The following CSMD1 variants were observed in gnomAD, a reference collection of about 807,000 sequenced individuals.
CSMD1 encodes the protein CUB and sushi domain-containing protein 1.
CSMD1 carries 213 observed loss-of-function variants against 417.5 expected under a neutral mutation model. That is an observed-to-expected ratio of 0.51 (90% confidence interval 0.46 to 0.57). The LOEUF is 0.57. Among genes scored for constraint, CSMD1 ranks in the 20% least tolerant of loss-of-function variants. The probability of loss-of-function intolerance (pLI) is 0.00; values close to 1 mark genes in which losing one functional copy is unlikely to be tolerated. For missense variants in CSMD1, 6,923 were observed against 4,529.7 expected (o/e 1.53, Z -15.17); for synonymous variants, 2,862 against 1,736.8 (o/e 1.65, Z -16.11).
At chr8:3,216,742 C>T (rs977870567) in intron 29 of CSMD1, among the ~76,000 whole-genome samples, 17 of 152,378 alleles carry the variant, frequency 1.1e-4, no homozygotes, top group African/African-American at 4.1e-4. Context: ...GTCCGTTCCA[C>T]TTATGCATAC....
chr8:3,824,467 A>G (rs1267393304), intron 5 of CSMD1, among the ~76,000 whole-genome samples: 5 of 152,120 alleles, frequency 3.3e-5, no homozygotes, highest in South Asian at 2.1e-4. Flanking sequence ...TCTGTCCCCT[A>G]AGTGCCGTAC....
At chr8:4,306,465 T>C (rs1374876644) in intron 3 of CSMD1, among the ~76,000 whole-genome samples, 1 of 152,232 alleles carries the variant, frequency 6.6e-6, no homozygotes, top group African/African-American at 2.4e-5. Flanking sequence ...CACCTCCATA[T>C]TGTGAATGCC....
At chr8:3,556,059 A>G (rs921190023) in intron 10 of CSMD1, among the ~76,000 whole-genome samples, 1 of 152,154 alleles carries the variant, frequency 6.6e-6, no homozygotes, top group Non-Finnish European at 1.5e-5. Flanking sequence ...TTCGCTCTAG[A>G]TGTTCTTAAG....
intron 3 of CSMD1, among the ~76,000 whole-genome samples, chr8:4,304,410 A>G (rs11783952): frequency 6.6e-6 from 1 of 151,998 alleles, no homozygotes. Context: ...ACCATCTAAG[A>G]GCGACAGAAG....
chr8:4,410,944 G>C (rs576984544), intron 3 of CSMD1, among the ~76,000 whole-genome samples: 1 of 152,162 alleles, frequency 6.6e-6, no homozygotes, highest in African/African-American at 2.4e-5. Context: ...ATTTGTTCTA[G>C]TGGGACTAGG....
At chr8:4,332,926 T>A (rs915480674) in intron 3 of CSMD1, among the ~76,000 whole-genome samples, 3 of 146,690 alleles carry the variant, frequency 2.0e-5, no homozygotes, top group Non-Finnish European at 4.4e-5. Context: ...ACTATCACAT[T>A]TTTTTCTTAT....
intron 4 of CSMD1, among the ~76,000 whole-genome samples, chr8:4,018,305 A>C (rs1017356291): frequency 6.6e-6 from 1 of 152,176 alleles, no homozygotes; most frequent in South Asian, 2.1e-4. Context: ...GTCTGTGGCC[A>C]TTTTTATCAA....
chr8:4,886,641 G>A (rs545732415), intron 1 of CSMD1, among the ~76,000 whole-genome samples: 6 of 152,104 alleles, frequency 3.9e-5, no homozygotes, highest in African/African-American at 1.2e-4. Context: ...TCCATTGTGA[G>A]TAGATATTTT....
rs752922880 is a variant in CSMD1 at position 4,637,368 on chromosome 8, C to T, written c.276G>A (p.Gln92=). The change falls in exon 2 of 70, where the codon CAG becomes CAA. Residue 92 remains glutamine (Q), a synonymous_variant. Transcript: ENST00000635120. ...DFDILSVYDG[Q]PQQGNLKVRL... is the part of the protein sequence containing the mutation. ...TCACTTTTAAATTCCCTTGTTGAGG[C>T]TGTCCATCGTAAACTGATAAAATAT... is the stretch of plus-strand genomic sequence containing the variant. The T allele has an allele frequency of 1.1e-5, 18 of 1,613,746 alleles. No individual in the cohort carries two copies. The highest frequency in any genetic ancestry group is 1.6e-4 in the Middle Eastern group (1 of 6,082).
At chr8:3,074,522 C>G (rs931882884) in intron 49 of CSMD1, among the ~76,000 whole-genome samples, 1 of 152,204 alleles carries the variant, frequency 6.6e-6, no homozygotes, top group Non-Finnish European at 1.5e-5. Context: ...GTGGAGCAGC[C>G]TATTTGGATT....
At chr8:3,992,094 G>C (rs1300715598) in intron 5 of CSMD1, among the ~76,000 whole-genome samples, 1 of 137,476 alleles carries the variant, frequency 7.3e-6, no homozygotes, top group Non-Finnish European at 1.6e-5. Flanking sequence ...GGTATGCAGA[G>C]TATCAAGAAA....
chr8:4,231,843 T>G (rs1054260199), intron 3 of CSMD1, among the ~76,000 whole-genome samples: 2 of 152,228 alleles, frequency 1.3e-5, no homozygotes, highest in African/African-American at 2.4e-5. Context: ...AGAATATCTG[T>G]ACATGTATAT....
At chr8:3,381,608 A>C (rs551791717) in intron 18 of CSMD1, among the ~76,000 whole-genome samples, 6 of 152,198 alleles carry the variant, frequency 3.9e-5, no homozygotes, top group Non-Finnish European at 7.3e-5. Flanking sequence ...GACATCCTTG[A>C]GTTTTACAAA....
chr8:3,849,382 C>T (rs575091265), intron 5 of CSMD1, among the ~76,000 whole-genome samples: 1 of 152,130 alleles, frequency 6.6e-6, no homozygotes, highest in Non-Finnish European at 1.5e-5. Flanking sequence ...GCTGCCATCA[C>T]AGGCGCCAAG....
chr8:3,132,715 C>G (rs1413863542), intron 41 of CSMD1, among the ~76,000 whole-genome samples: 1 of 152,216 alleles, frequency 6.6e-6, no homozygotes, highest in Non-Finnish European at 1.5e-5. Context: ...CAATTGTAAT[C>G]TGCATAACAA....
At chr8:4,033,609 C>T (rs1031770697) in intron 3 of CSMD1, among the ~76,000 whole-genome samples, 1 of 152,154 alleles carries the variant, frequency 6.6e-6, no homozygotes, top group Non-Finnish European at 1.5e-5. Flanking sequence ...GTGGCTCAAT[C>T]CTCTTGGGCA....
chr8:4,971,085 G>C (rs80202153), intron 1 of CSMD1, among the ~76,000 whole-genome samples: 1 of 151,684 alleles, frequency 6.6e-6, no homozygotes, highest in Non-Finnish European at 1.5e-5. Flanking sequence ...GACTTTTTTT[G>C]GATCTCATTT....
At chr8:3,368,451 C>G (rs1000039026) in intron 19 of CSMD1, among the ~76,000 whole-genome samples, 6 of 152,176 alleles carry the variant, frequency 3.9e-5, no homozygotes, top group African/African-American at 1.4e-4. Context: ...ATTCCCCTGA[C>G]TCTGCCCCCA....
chr8:4,118,137 C>T (rs1313348917), intron 3 of CSMD1, among the ~76,000 whole-genome samples: 2 of 151,912 alleles, frequency 1.3e-5, no homozygotes, highest in Non-Finnish European at 2.9e-5. Context: ...GGAAACGGCC[C>T]TTGGCAGACT....
Sources: allele counts gnomAD v4.1 joint callset (sites outside exome capture counted in the v4.1 genomes callset), GRCh38; gene constraint gnomAD v4.1.1; transcripts MANE v1.5; gene names NCBI Gene and HGNC (gene_info 2026-07-23, HGNC 2026-07-21).